The following ZSCAN2 variants were observed in gnomAD, a reference collection of about 807,000 sequenced individuals.
ZSCAN2 encodes zinc finger and SCAN domain-containing protein 2.
In ZSCAN2, 26 loss-of-function variants were observed where a neutral mutation model predicts 47.8. That is an observed-to-expected ratio of 0.54 (90% CI 0.40 to 0.75). The LOEUF (loss-of-function observed/expected upper bound fraction) is 0.75. Among genes scored for constraint, ZSCAN2 ranks in the 30% least tolerant of loss-of-function variants. The probability of loss-of-function intolerance (pLI) is 0.00; values close to 1 mark genes in which losing one functional copy is unlikely to be tolerated. For synonymous variants in ZSCAN2, 305 were observed against 288.7 expected (o/e 1.06, Z -0.57); for missense variants, 732 against 785.4 (o/e 0.93, Z 0.81).
At chr15:84,608,626 CT>C in intron 2 of ZSCAN2, among the ~76,000 whole-genome samples, 1 of 151,994 alleles carries the variant, frequency 6.6e-6, no homozygotes, top group Admixed American at 6.6e-5. Context: ...CACTAGACCT[CT>C]GTAGACCTCT....
rs1360261195 is a variant in ZSCAN2, at chr15:84,621,834, A to G, written c.1639A>G (p.Met547Val). ...CTTCAGCCGGGGCTCCATTCTGGTC[A>G]TGCACCAGAGAGCCCATTTGGGAGA... Reference protein sequence around the residue: ...KSFSRGSILVMHQRAHLGDKP... With the variant: ...KSFSRGSILVVHQRAHLGDKP... The change falls in exon 3 of 3, where the codon ATG (methionine) becomes GTG (valine). Residue 547 changes from methionine (M) to valine (V), a missense_variant. Physicochemically the swap from Met to Val is conservative, Grantham distance 21. This residue lies in a region of ZSCAN2 where 412 missense variants were observed against 498.0 expected (regional missense o/e 0.83). Coordinates refer to ENST00000546148, the MANE Select transcript of ZSCAN2 (RefSeq NM_181877.4). The surrounding 1 kb of genome is among the most constrained non-coding windows in gnomAD (Gnocchi z 5.7). The G allele has an allele frequency of 1.2e-6, 2 of 1,614,142 alleles. No homozygotes were observed. Among genetic ancestry groups the G allele is most frequent in the Non-Finnish European group, 1.7e-6 (2 of 1,180,048 alleles).
chr15:84,613,385 A>G (rs920363862), intron 2 of ZSCAN2, among the ~76,000 whole-genome samples: 3 of 152,162 alleles, frequency 2.0e-5, no homozygotes, highest in African/African-American at 7.2e-5. Context: ...CAGTGGCACA[A>G]TCTCGGTACA....
At chr15:84,606,872 G>A (rs1454372544) in intron 2 of ZSCAN2, 14 of 1,155,268 alleles carry the variant, frequency 1.2e-5, no homozygotes, top group Non-Finnish European at 1.4e-5. Context: ...TAAACGCCCC[G>A]ACCTTCCTCA....
chr15:84,604,027 A>C lies in ZSCAN2; in HGVS notation c.100A>C (p.Ile34Leu), dbSNP rs369807520. The change falls in exon 2 of 3, where the codon ATC (isoleucine) becomes CTC (leucine). Residue 34 changes from isoleucine (I) to leucine (L), a missense_variant. Physicochemically the swap from Ile to Leu is conservative, Grantham distance 5 (BLOSUM62 2). Coordinates refer to ENST00000546148, the MANE Select transcript of ZSCAN2 (RefSeq NM_181877.4). ...ACAGGAGGAGGAGGTCACCACCATG[A>C]TCCTGGAGGATGACTCCTGGGTGCA... ...DRQEEEVTTM[I>L]LEDDSWVQEA... 47 of 1,613,994 alleles carry C rather than the reference A, an allele frequency of 2.9e-5. No homozygotes were observed. Among genetic ancestry groups the C allele is most frequent in the Non-Finnish European group, 3.9e-5 (46 of 1,180,026 alleles).
In ZSCAN2 at chr15:84,622,481, A is replaced by G. The variant is rs368977569; in HGVS notation, c.*441A>G. ...GTTTTGCTGCCACGTTGTTGGGCTA[A>G]GGTGCCTTCACCCCAAGCTGTTAGT... is the stretch of plus-strand genomic sequence containing the variant. On this transcript the variant is annotated 3_prime_UTR_variant, in exon 3 of 3. Transcript: ENST00000546148. The G allele has an allele frequency of 4.6e-5, 29 of 631,948 alleles. No homozygotes were observed. The highest frequency in any genetic ancestry group is 3.9e-4 in the African/African-American group (21 of 54,268). 39.1% of individuals were successfully genotyped at this position (631,948 alleles called of 1,614,324 possible).
At chr15:84,615,298 T>G (rs764382692) in intron 2 of ZSCAN2, among the ~76,000 whole-genome samples, 6 of 151,980 alleles carry the variant, frequency 3.9e-5, no homozygotes, top group Non-Finnish European at 5.9e-5. Context: ...GAACTCCAGT[T>G]ATGTTTACTG....
chr15:84,605,506 G>A (rs1051223222), intron 2 of ZSCAN2, among the ~76,000 whole-genome samples: 4 of 152,202 alleles, frequency 2.6e-5, no homozygotes, highest in African/African-American at 4.8e-5. Context: ...GCAGAGCCAC[G>A]GTGGTTTATA....
At chr15:84,602,618 T>C (rs1338280081) in intron 1 of ZSCAN2, among the ~76,000 whole-genome samples, 5 of 145,320 alleles carry the variant, frequency 3.4e-5, no homozygotes, top group African/African-American at 1.3e-4. Flanking sequence ...AGACAGAGTC[T>C]GGCTCTTTCG....
intron 2 of ZSCAN2, chr15:84,606,850 G>T (rs1895397256): frequency 2.5e-6 from 3 of 1,211,284 alleles, no homozygotes; most frequent in Non-Finnish European, 3.1e-6. Context: ...GTCTTTGTTG[G>T]TCTTTGTTTA....
rs1161492290 is a variant in ZSCAN2 at position 84,621,981 on chromosome 15, A to G, written c.1786A>G (p.Ser596Gly). 4.3e-6 allele frequency: 7 copies of G among 1,614,130 alleles called. No individual in the cohort carries two copies. The East Asian group carries it at 1.6e-4, about 36-fold the overall frequency. ...ATGCCCCGAGTGTGGCAAAGGCTTC[A>G]GCAACAGCTCTAACTTTATCACACA... Reference protein sequence around the residue: ...YKCPECGKGFSNSSNFITHQR... With the variant: ...YKCPECGKGFGNSSNFITHQR... The change falls in exon 3 of 3, where the codon AGC (serine) becomes GGC (glycine). Residue 596 changes from serine to glycine, a missense_variant. Ser to Gly is a moderately conservative substitution (Grantham distance 56). Transcript: ENST00000546148. This position sits in a 1 kb window ranked among gnomAD's most constrained non-coding sequence, Gnocchi z 5.7.
Position 84,622,643 on chromosome 15 carries a change from C to T in ZSCAN2, c.*603C>T. 1.4e-6 allele frequency: 1 copy of T among 717,452 alleles called. No individual in the cohort carries two copies. The highest frequency in any genetic ancestry group is 2.6e-6 in the Non-Finnish European group (1 of 385,086). The allele number at this position is 717,452 out of a possible 1,614,324, so 44.4% of individuals were successfully genotyped here. On this transcript the variant is annotated 3_prime_UTR_variant, in exon 3 of 3. Coordinates refer to ENST00000546148, the MANE Select transcript of ZSCAN2 (RefSeq NM_181877.4). Reference sequence around the variant, plus strand: ...TGAAGGTAAAGACCCTTTCTATTTCCAGAAAGTGTCAGGAGCACAGAAACT... The same window carrying T: ...TGAAGGTAAAGACCCTTTCTATTTCTAGAAAGTGTCAGGAGCACAGAAACT...
At chr15:84,620,375 G>A (rs1012233642) in intron 2 of ZSCAN2, among the ~76,000 whole-genome samples, 2 of 152,044 alleles carry the variant, frequency 1.3e-5, no homozygotes, top group Non-Finnish European at 2.9e-5. Flanking sequence ...CTATGTCTTT[G>A]CTATTGTGAA....
Position 84,601,078 on chromosome 15 carries a change from C to G in ZSCAN2, c.-166C>G, listed in dbSNP as rs925913864. The G allele has an allele frequency of 1.3e-5, 2 of 152,524 alleles. No homozygotes were observed. Among genetic ancestry groups the G allele is most frequent in the African/African-American group, 2.4e-5 (1 of 41,458 alleles). The allele number at this position is 152,524 out of a possible 1,614,324, so 9.4% of individuals were successfully genotyped here. ...GTGAATCTGGAGGGGCCGGGCCGAG[C>G]CCGGGGGCGCTTTCGCACGCGAAGC... On this transcript the variant is annotated 5_prime_UTR_variant, in exon 1 of 3. Transcript: ENST00000546148.
Position 84,621,556 on chromosome 15 carries a change from G to A in ZSCAN2, c.1361G>A (p.Ser454Asn), listed in dbSNP as rs186091459. 3.1e-6 allele frequency: 5 copies of A among 1,614,094 alleles called. No homozygotes were observed. In the East Asian group the frequency reaches 6.7e-5, roughly 22 times the overall value. The change falls in exon 3 of 3, where the codon AGC (serine) becomes AAC (asparagine). Residue 454 changes from serine to asparagine, a missense_variant. Physicochemically the swap from Ser to Asn is conservative, Grantham distance 46. Transcript: ENST00000546148. This position sits in a 1 kb window ranked among gnomAD's most constrained non-coding sequence, Gnocchi z 5.7. ...KPYKCGVCGK[S>N]FSQSSSLIAH... ...TATAAGTGTGGGGTGTGTGGGAAGA[G>A]CTTCAGCCAGAGCTCCAGTCTGATT...
chr15:84,607,504 CTTTTG>C (rs1895418329), intron 2 of ZSCAN2, among the ~76,000 whole-genome samples: 2 of 151,088 alleles, frequency 1.3e-5, no homozygotes, highest in South Asian at 2.1e-4. Flanking sequence ...ACAGCCTGTG[CTTTTG>C]TTTTTGTTTT....
At chr15:84,601,890 C>G (rs2141751466) in intron 1 of ZSCAN2, 2 of 150,798 alleles carry the variant, frequency 1.3e-5, no homozygotes, top group African/African-American at 4.9e-5. Context: ...AAGTCGTTTG[C>G]AATTCCACTG....
chr15:84,621,061 G>C lies in ZSCAN2; in HGVS notation c.866G>C (p.Arg289Pro). The C allele has an allele frequency of 6.2e-7, 1 of 1,613,918 alleles. No homozygotes were observed. The highest frequency in any genetic ancestry group is 8.5e-7 in the Non-Finnish European group (1 of 1,179,970). Reference sequence around the variant, plus strand: ...AGAGACTGTGGGAAGAGCTTTAGCCGGAGTGCCAACCTCATAACCCACCAG... The same window carrying C: ...AGAGACTGTGGGAAGAGCTTTAGCCCGAGTGCCAACCTCATAACCCACCAG... ...KCRDCGKSFSRSANLITHQRI... is the reference protein window; with the variant it reads ...KCRDCGKSFSPSANLITHQRI... Residue 289 changes from arginine (R) to proline (P), a missense_variant, in exon 3 of 3, where the codon CGG becomes CCG. Around this residue, in one of 2 missense-constraint regions of ZSCAN2, gnomAD observed 412 missense variants for 498.0 expected, o/e 0.83. Transcript: ENST00000546148. The surrounding 1 kb of genome is among the most constrained non-coding windows in gnomAD (Gnocchi z 5.7).
Position 84,611,151 on chromosome 15 carries a change from C to T in ZSCAN2, c.406+6818C>T, listed in dbSNP as rs118100402. 5.0e-3 allele frequency among the ~76,000 whole-genome samples: 765 copies of T among 151,682 alleles called. 6 individuals carry two copies. Among genetic ancestry groups the T allele is most frequent in the Non-Finnish European group, 6.9e-3 (466 of 67,886 alleles). Reference sequence around the variant, plus strand: ...TACGAAAAATACAAAAAAAATTAGCCGGGCATGTGGTGGTGTGCACCTGTA... The same window carrying T: ...TACGAAAAATACAAAAAAAATTAGCTGGGCATGTGGTGGTGTGCACCTGTA... On this transcript the variant is annotated intron_variant, in intron 2 of 2. Coordinates refer to ENST00000546148, the MANE Select transcript of ZSCAN2 (RefSeq NM_181877.4).
At chr15:84,606,682 G>A (rs1013865054) in intron 2 of ZSCAN2, 123 of 1,547,884 alleles carry the variant, frequency 7.9e-5, no homozygotes, top group Non-Finnish European at 1.0e-4. Flanking sequence ...CAGAGGTTCA[G>A]GTCTCAGCAG....
Sources: allele counts gnomAD v4.1 joint callset (sites outside exome capture counted in the v4.1 genomes callset), GRCh38; gene constraint gnomAD v4.1.1; regional missense constraint gnomAD v4.1.1; non-coding constraint Gnocchi (gnomAD v3.1); transcripts MANE v1.5; gene names NCBI Gene and HGNC (gene_info 2026-07-23, HGNC 2026-07-21).